ZNF678: variants seen among roughly 807,000 people sequenced by gnomAD.
ZNF678 encodes the protein hypothetical protein MGC42493.
Under a neutral mutation model 3.0 loss-of-function variants are expected in ZNF678, and 5 were observed. The observed-to-expected ratio is 1.69, with a 90% confidence interval of 0.88 to 3.56. ZNF678 has a LOEUF of 3.56. Ranked by LOEUF, ZNF678 falls within the 30% of genes most tolerant of loss-of-function variation. ZNF678 has a pLI of 0.00. For missense variants in ZNF678, 593 were observed against 605.0 expected (o/e 0.98, Z 0.21); for synonymous variants, 218 against 199.6 (o/e 1.09, Z -0.78).
At chr1:227,604,069 C>G (rs985901740) in intron 1 of ZNF678, among the ~76,000 whole-genome samples, 1 of 151,988 alleles carries the variant, frequency 6.6e-6, no homozygotes, top group Non-Finnish European at 1.5e-5. Context: ...ACTGTTTTTC[C>G]TTATATTAAC....
intron 1 of ZNF678, among the ~76,000 whole-genome samples, chr1:227,582,035 A>C (rs554857508): frequency 3.3e-5 from 5 of 152,258 alleles, no homozygotes; most frequent in Admixed American, 3.3e-4. Context: ...TATATGTTTA[A>C]TGGCCATCTG....
At chr1:227,621,787 G>A (rs995088192) in intron 1 of ZNF678, among the ~76,000 whole-genome samples, 18 of 152,152 alleles carry the variant, frequency 1.2e-4, no homozygotes, top group African/African-American at 3.9e-4. Flanking sequence ...ACTAATTTAG[G>A]CTATGACAAG....
At chr1:227,575,635 G>T (rs1381306804) in intron 1 of ZNF678, among the ~76,000 whole-genome samples, 1 of 152,154 alleles carries the variant, frequency 6.6e-6, no homozygotes. Context: ...AGCATAGGGA[G>T]ATTTTGGGGC....
At chr1:227,663,141 C>T (rs1191794383), downstream of ZNF678, among the ~76,000 whole-genome samples, 4 of 152,148 alleles carry the variant, frequency 2.6e-5, no homozygotes, top group South Asian at 4.1e-4. Context: ...TCAGAAAAAA[C>T]ACCCCAGCCA....
intron 3 of ZNF678, among the ~76,000 whole-genome samples, chr1:227,652,927 A>G (rs1659124875): frequency 6.6e-6 from 1 of 151,990 alleles, no homozygotes; most frequent in South Asian, 2.1e-4. Context: ...TCCATTTTAC[A>G]TTTTCTGTAG....
At chr1:227,643,000 G>A in intron 1 of ZNF678, among the ~76,000 whole-genome samples, 1 of 152,182 alleles carries the variant, frequency 6.6e-6, no homozygotes. Context: ...TCTAGAAAAT[G>A]TAGATAAATG....
Position 227,563,741 on chromosome 1 carries a change from G to A in ZNF678, c.-164+17G>A, listed in dbSNP as rs1656592350. The stretch of plus-strand genomic sequence containing the variant: ...CGGAAAACGGTGAGAGTTCCCGGGA[G>A]GGTGTTCCAAGATGGCGGTCCGGCC... On this transcript the variant is annotated intron_variant, in intron 1 of 3. Coordinates refer to ENST00000343776, the MANE Select transcript of ZNF678 (RefSeq NM_001367909.1). The A allele has an allele frequency of 1.5e-6, 2 of 1,315,964 alleles. No homozygotes were observed. Among genetic ancestry groups the A allele is most frequent in the Non-Finnish European group, 2.0e-6 (2 of 994,470 alleles). The allele number at this position is 1,315,964 out of a possible 1,614,324, so 81.5% of individuals were successfully genotyped here.
chr1:227,566,381 C>CAA (rs1656685870), intron 1 of ZNF678, among the ~76,000 whole-genome samples: 1 of 152,202 alleles, frequency 6.6e-6, no homozygotes, highest in Non-Finnish European at 1.5e-5. Context: ...TCTGGATTCT[C>CAA]AGACTTGTGA....
rs761575123 is a variant in ZNF678 at position 227,563,568 on chromosome 1, C to G, written c.-320C>G. On this transcript the variant is annotated 5_prime_UTR_variant, in exon 1 of 4. Coordinates refer to ENST00000343776, the MANE Select transcript of ZNF678 (RefSeq NM_001367909.1). The stretch of plus-strand genomic sequence containing the variant: ...GATCTGGCGGGGCCTTTGTCTTGTG[C>G]TCCAGCTGGAGCTTTGGTCCCGTAT... 2.5e-5 allele frequency: 19 copies of G among 759,198 alleles called. No individual in the cohort carries two copies. Among genetic ancestry groups the G allele is most frequent in the African/African-American group, 3.6e-5 (2 of 55,190 alleles). 47.0% of individuals were successfully genotyped at this position (759,198 alleles called of 1,614,324 possible). A position where few individuals can be genotyped will look rare whatever the true frequency, so the allele number is the denominator to read the frequency against.
At chr1:227,670,408 G>T (rs920780641) in intron 5 of ZNF678, among the ~76,000 whole-genome samples, 3 of 152,148 alleles carry the variant, frequency 2.0e-5, no homozygotes, top group African/African-American at 7.2e-5. Context: ...CCATTTAAAC[G>T]AGTAGTTTGG....
At chr1:227,634,850 C>T (rs1430358270) in intron 1 of ZNF678, among the ~76,000 whole-genome samples, 2 of 152,140 alleles carry the variant, frequency 1.3e-5, no homozygotes, top group Non-Finnish European at 2.9e-5. Flanking sequence ...ATTTTAGAAC[C>T]CCAGGGCTTT....
At chr1:227,597,388 G>A (rs1275425725) in intron 1 of ZNF678, among the ~76,000 whole-genome samples, 1 of 152,234 alleles carries the variant, frequency 6.6e-6, no homozygotes, top group Non-Finnish European at 1.5e-5. Flanking sequence ...GTTGCAGAGA[G>A]TTTATTTTTG....
intron 1 of ZNF678, among the ~76,000 whole-genome samples, chr1:227,645,429 T>G (rs1658930503): frequency 6.6e-6 from 1 of 152,210 alleles, no homozygotes; most frequent in South Asian, 2.1e-4. Context: ...CCTAATAAAT[T>G]TATTTCAAGT....
intron 1 of ZNF678, among the ~76,000 whole-genome samples, chr1:227,572,075 A>T (rs1571855683): frequency 6.6e-6 from 1 of 152,348 alleles, no homozygotes; most frequent in African/African-American, 2.4e-5. Flanking sequence ...TTATACTTTC[A>T]AGTGGCAGTT....
chr1:227,602,296 C>T (rs1416834850), intron 1 of ZNF678, among the ~76,000 whole-genome samples: 2 of 152,142 alleles, frequency 1.3e-5, no homozygotes, highest in African/African-American at 2.4e-5. Flanking sequence ...TTTCAAATTA[C>T]TTATCAGTTA....
chr1:227,628,021 AGTG>A, intron 1 of ZNF678, among the ~76,000 whole-genome samples: 1 of 152,348 alleles, frequency 6.6e-6, no homozygotes, highest in East Asian at 1.9e-4. Context: ...TGGCCCTTCA[AGTG>A]ATAGAGCCTG....
At chr1:227,679,414 T>C (rs1026155222), downstream of ZNF678, among the ~76,000 whole-genome samples, 1 of 152,176 alleles carries the variant, frequency 6.6e-6, no homozygotes, top group Non-Finnish European at 1.5e-5. Context: ...CTGGTTATGT[T>C]ATCTATAGAT....
At chr1:227,644,853 GTGT>G (rs1276566302) in intron 1 of ZNF678, among the ~76,000 whole-genome samples, 2 of 152,156 alleles carry the variant, frequency 1.3e-5, no homozygotes, top group Non-Finnish European at 2.9e-5. Flanking sequence ...AAGAACATCG[GTGT>G]TGTTTTAGTT....
chr1:227,661,354 C>G lies in ZNF678; in HGVS notation c.*5526C>G, dbSNP rs370162983. The stretch of plus-strand genomic sequence containing the variant: ...CAGGGGACCCCTGTTTTGTCTATGT[C>G]AAGAACAAAGACCAGGCAAAAGAAA... On this transcript the variant is annotated 3_prime_UTR_variant, in exon 4 of 4. Coordinates refer to ENST00000343776, the MANE Select transcript of ZNF678 (RefSeq NM_001367909.1). The G allele has an allele frequency of 4.6e-5, 7 of 151,750 alleles. No individual in the cohort carries two copies. Among genetic ancestry groups the G allele is most frequent in the African/African-American group, 1.7e-4 (7 of 41,356 alleles). 9.4% of individuals were successfully genotyped at this position (151,750 alleles called of 1,614,324 possible). A position where few individuals can be genotyped will look rare whatever the true frequency, so the allele number is the denominator to read the frequency against.
Sources: gnomAD v4.1 joint callset for allele counts (sites outside exome capture counted in the v4.1 genomes callset) on GRCh38, gnomAD v4.1.1 for gene constraint, MANE v1.5 for transcripts, NCBI Gene and HGNC (gene_info 2026-07-23, HGNC 2026-07-21) for gene names.